EFNB1: variants seen among roughly 807,000 people sequenced by gnomAD.
EFNB1 encodes ephrin-B1.
A neutral mutation model predicts 18.1 loss-of-function variants in EFNB1; 1 was observed. That is an observed-to-expected ratio of 0.06 (90% CI 0.02 to 0.26). EFNB1 has a LOEUF of 0.26. Ranked by LOEUF, EFNB1 falls within the 10% of genes least tolerant of loss-of-function variation. EFNB1 has a pLI of 1.00. For synonymous variants in EFNB1, 131 were observed against 127.5 expected, an observed-to-expected ratio of 1.03 and a Z score of -0.19; for missense variants, 221 against 301.8, an observed-to-expected ratio of 0.73 and a Z score of 1.98.
intron 1 of EFNB1, among the ~76,000 whole-genome samples, chrX:68,836,124 C>T (rs2080460197): frequency 8.9e-6 from 1 of 111,895 alleles, no homozygotes; most frequent in African/African-American, 3.3e-5. Flanking sequence ...TTAGACCCCT[C>T]TTTTCAATGG....
intron 1 of EFNB1, among the ~76,000 whole-genome samples, chrX:68,831,312 A>AAGGTAG (rs1371113553): frequency 3.6e-5 from 4 of 110,962 alleles, no homozygotes; most frequent in Non-Finnish European, 7.6e-5. Flanking sequence ...CTCCTCGATT[A>AAGGTAG]AGGTAGAGTC....
At chrX:68,836,552 A>T (rs920732957) in intron 1 of EFNB1, among the ~76,000 whole-genome samples, 6 of 112,271 alleles carry the variant, frequency 5.3e-5, no homozygotes, top group African/African-American at 1.9e-4. Context: ...CTCTTCGCCT[A>T]CTTGGGTATC....
At chrX:68,839,932 C>T (rs757260994) in intron 3 of EFNB1, 28 bp from the exon 4 acceptor site, 1 of 1,211,769 alleles carries the variant, frequency 8.3e-7, no homozygotes, top group Admixed American at 2.2e-5. Flanking sequence ...GGGTCCCTGC[C>T]TCTCACCTGT....
rs779487954 is a variant in EFNB1, at chrX:68,840,338, C to T, written c.725C>T (p.Ala242Val). The T allele has an allele frequency of 1.7e-5, 20 of 1,210,130 alleles. No homozygotes were observed. Among genetic ancestry groups the T allele is most frequent in the Admixed American group, 1.5e-4 (7 of 45,846 alleles). ...GFFNSKVALF[A>V]AVGAGCVIFL... is the part of the protein sequence containing the mutation. ...TTCAACTCCAAGGTGGCATTGTTCGCGGCTGTCGGTGCCGGTTGCGTCATC... is the reference window on the plus strand; with the variant it reads ...TTCAACTCCAAGGTGGCATTGTTCGTGGCTGTCGGTGCCGGTTGCGTCATC... The change falls in exon 5 of 5, where the codon GCG becomes GTG. Residue 242 changes from alanine (A) to valine (V), a missense_variant. Coordinates refer to ENST00000204961, the MANE Select transcript of EFNB1 (RefSeq NM_004429.5).
rs1569396319 is a variant in EFNB1, at chrX:68,829,278, G to A, written c.-499G>A. On this transcript the variant is annotated 5_prime_UTR_variant, in exon 1 of 5. Coordinates refer to ENST00000204961, the MANE Select transcript of EFNB1 (RefSeq NM_004429.5). The stretch of plus-strand genomic sequence containing the variant: ...GAGTCCCAGTGTGGCCCGGAGGAAC[G>A]GAGCCCGTGCCAGGGCGGCCCAGTC... 1.9e-5 allele frequency: 3 copies of A among 158,988 alleles called. No individual in the cohort carries two copies. In the East Asian group the frequency reaches 6.3e-4, roughly 33 times the overall value. 13.1% of individuals were successfully genotyped at this position (158,988 alleles called of 1,213,427 possible). A position where few individuals can be genotyped will look rare whatever the true frequency, so the allele number is the denominator to read the frequency against.
At chrX:68,833,451 CTCTCT>C (rs201125721) in intron 1 of EFNB1, among the ~76,000 whole-genome samples, 8,418 of 112,155 alleles carry the variant, frequency 0.075, 318 homozygotes, top group Middle Eastern at 0.12. Context: ...TTCCCTTGGG[CTCTCT>C]GTTGTCTCAT....
chrX:68,841,711 C>T lies in EFNB1; in HGVS notation c.*1057C>T, dbSNP rs1197891079. The T allele has an allele frequency of 8.8e-6, 1 of 113,437 alleles. No individual in the cohort carries two copies. Among genetic ancestry groups the T allele is most frequent in the Non-Finnish European group, 1.9e-5 (1 of 53,378 alleles). 9.3% of individuals were successfully genotyped at this position (113,437 alleles called of 1,213,427 possible). On this transcript the variant is annotated 3_prime_UTR_variant, in exon 5 of 5. Coordinates refer to ENST00000204961, the MANE Select transcript of EFNB1 (RefSeq NM_004429.5). Reference sequence around the variant, plus strand: ...CTGGGCCCTAGCACAGGTGGGTAACCCCCACCCAACCCAGCTCCTGCTGCT... The same window carrying T: ...CTGGGCCCTAGCACAGGTGGGTAACTCCCACCCAACCCAGCTCCTGCTGCT...
chrX:68,831,033 C>G (rs1232444138), intron 1 of EFNB1, among the ~76,000 whole-genome samples: 1 of 111,301 alleles, frequency 9.0e-6, no homozygotes, highest in Non-Finnish European at 1.9e-5. Flanking sequence ...TCAAAATTGC[C>G]CTTCCTCTCA....
Position 68,841,357 on chromosome X carries a change from C to CCACACACACACACA in EFNB1, c.*718_*731dup, listed in dbSNP as rs772633678. 2 of 28,437 alleles carry CCACACACACACACA rather than the reference C, an allele frequency of 7.0e-5. No homozygotes were observed. The highest frequency in any genetic ancestry group is 3.3e-4 in the African/African-American group (2 of 6,057). 2.3% of individuals were successfully genotyped at this position (28,437 alleles called of 1,213,427 possible). On this transcript the variant is annotated 3_prime_UTR_variant, in exon 5 of 5. Transcript: ENST00000204961. Reference sequence around the variant, plus strand: ...CAATGGGGTAGTCACTGCCACCCTTCCACACACACACACACACACACACAC... The same window carrying CCACACACACACACA: ...CAATGGGGTAGTCACTGCCACCCTTCCACACACACACACACACACACACACACACACACACACAC...
intron 2 of EFNB1, 43 bp from the exon 3 acceptor site, chrX:68,839,621 C>T: frequency 1.7e-6 from 2 of 1,167,459 alleles, no homozygotes; most frequent in Non-Finnish European, 2.3e-6. Context: ...GTAGACCTTT[C>T]TCTCCTCCTG....
intron 1 of EFNB1, 28 bp downstream of exon 1, chrX:68,829,932 G>C: frequency 8.6e-7 from 1 of 1,167,748 alleles, no homozygotes; most frequent in Non-Finnish European, 1.1e-6. Context: ...TCTGGACGCT[G>C]GGGTGGGAGG....
chrX:68,829,547 C>T lies in EFNB1; in HGVS notation c.-230C>T, dbSNP rs1225849475. On this transcript the variant is annotated 5_prime_UTR_variant, in exon 1 of 5. Coordinates refer to ENST00000204961, the MANE Select transcript of EFNB1 (RefSeq NM_004429.5). ...CGGAGAGCCCAGGAGAACGAGCCCT[C>T]GGGGGCCGAAGCCCATGCCCGGGTT... The T allele has an allele frequency of 2.1e-6, 1 of 482,175 alleles. No homozygotes were observed. Among genetic ancestry groups the T allele is most frequent in the African/African-American group, 2.4e-5 (1 of 41,551 alleles). 39.7% of individuals were successfully genotyped at this position (482,175 alleles called of 1,213,427 possible). A position where few individuals can be genotyped will look rare whatever the true frequency, so the allele number is the denominator to read the frequency against.
chrX:68,829,396 C>G lies in EFNB1; in HGVS notation c.-381C>G. On this transcript the variant is annotated 5_prime_UTR_variant, in exon 1 of 5. Coordinates refer to ENST00000204961, the MANE Select transcript of EFNB1 (RefSeq NM_004429.5). ...GACGGTCGAGGCGTCGGGGCGGTCA[C>G]CGAGACCTCTGCGGGAAGACCCCGT... 5 of 225,236 alleles carry G rather than the reference C, an allele frequency of 2.2e-5. No individual in the cohort carries two copies. Among genetic ancestry groups the G allele is most frequent in the Non-Finnish European group, 8.0e-6 (1 of 124,370 alleles). The allele number at this position is 225,236 out of a possible 1,213,427, so 18.6% of individuals were successfully genotyped here.
At chrX:68,839,327 C>T (rs7885471) in intron 2 of EFNB1, among the ~76,000 whole-genome samples, 1 of 112,161 alleles carries the variant, frequency 8.9e-6, no homozygotes, top group Admixed American at 9.4e-5. Flanking sequence ...ACCCAGTTCT[C>T]CTGATTCCTA....
chrX:68,836,084 A>G (rs762824476), intron 1 of EFNB1, among the ~76,000 whole-genome samples: 6 of 111,870 alleles, frequency 5.4e-5, no homozygotes, highest in African/African-American at 1.6e-4. Flanking sequence ...AGGGCCTCTT[A>G]GACCCATCGG....
At chrX:68,832,811 C>CGTGTGTGTGTGTGTGT (rs3085479) in intron 1 of EFNB1, among the ~76,000 whole-genome samples, 1,680 of 97,345 alleles carry the variant, frequency 0.017, 59 homozygotes, top group African/African-American at 0.06. Flanking sequence ...TCTGTGTGTG[C>CGTGTGTGTGTGTGTGT]GTGTGTGTGT....
In EFNB1 at chrX:68,840,484, G is replaced by A. The variant is rs1447065742; in HGVS notation, c.871G>A (p.Gly291Ser). 10 of 1,210,131 alleles carry A rather than the reference G, an allele frequency of 8.3e-6. No homozygotes were observed. The highest frequency in any genetic ancestry group is 1.8e-5 in the South Asian group (1 of 56,763). ...SLSTLASPKG[G>S]SGTAGTEPSD... is the part of the protein sequence containing the mutation. ...CAGTACCCTGGCCAGTCCCAAGGGG[G>A]GCAGTGGCACAGCGGGCACCGAGCC... Residue 291 changes from glycine (G) to serine (S), a missense_variant, in exon 5 of 5, where the codon GGC (glycine) becomes AGC (serine). Coordinates refer to ENST00000204961, the MANE Select transcript of EFNB1 (RefSeq NM_004429.5).
rs746106034 is a variant in EFNB1 at position 68,839,686 on chromosome X, G to A, written c.429G>A (p.Glu143=). 25 of 1,210,167 alleles carry A rather than the reference G, an allele frequency of 2.1e-5. No homozygotes were observed. The Admixed American group carries it at 5.4e-4, about 26-fold the overall frequency. ...YITSTSNGSL[E]GLENREGGVC... Reference sequence around the variant, plus strand: ...CAGCAACATCCAATGGAAGCCTGGAGGGGCTGGAAAACCGGGAGGGCGGTG... The same window carrying A: ...CAGCAACATCCAATGGAAGCCTGGAAGGGCTGGAAAACCGGGAGGGCGGTG... Residue 143 remains glutamate (E), a synonymous_variant, in exon 3 of 5, where the codon GAG becomes GAA. Coordinates refer to ENST00000204961, the MANE Select transcript of EFNB1 (RefSeq NM_004429.5).
Position 68,829,458 on chromosome X carries a change from A to C in EFNB1, c.-319A>C. ...CGCGCAGCCCCGAAGCGTCTCGGGA[A>C]GTCGAGCGGAATCGGGCGGGATCAC... On this transcript the variant is annotated 5_prime_UTR_variant, in exon 1 of 5. Coordinates refer to ENST00000204961, the MANE Select transcript of EFNB1 (RefSeq NM_004429.5). The C allele has an allele frequency of 6.6e-6, 2 of 301,134 alleles. No homozygotes were observed. The highest frequency in any genetic ancestry group is 5.9e-6 in the Non-Finnish European group (1 of 169,879). 24.8% of individuals were successfully genotyped at this position (301,134 alleles called of 1,213,427 possible). A position where few individuals can be genotyped will look rare whatever the true frequency, so the allele number is the denominator to read the frequency against.
Sources: gnomAD v4.1 joint callset for allele counts (sites outside exome capture counted in the v4.1 genomes callset) on GRCh38, gnomAD v4.1.1 for gene constraint, MANE v1.5 for transcripts, NCBI Gene and HGNC (gene_info 2026-07-23, HGNC 2026-07-21) for gene names.